Variants in HMGCS2 observed in about 807,000 individuals in gnomAD.
HMGCS2 encodes hydroxymethylglutaryl-CoA synthase, mitochondrial.
HMGCS2 carries 50 observed loss-of-function variants against 57.4 expected under a neutral mutation model. That is an observed-to-expected ratio of 0.87 (90% CI 0.69 to 1.10). The LOEUF is 1.10. Ranked by LOEUF, HMGCS2 falls within the 50% of genes least tolerant of loss-of-function variation. The pLI is 0.00. For synonymous variants in HMGCS2, 254 were observed against 245.1 expected (o/e 1.04, Z -0.34); for missense variants, 627 against 636.5 (o/e 0.99, Z 0.16).
intron 1 of HMGCS2, 61 bp from the exon 2 acceptor site, chr1:119,764,687 C>T: frequency 8.4e-7 from 1 of 1,188,634 alleles, no homozygotes; most frequent in Non-Finnish European, 1.2e-6. Context: ...CCTCAAAAGA[C>T]AGTAACATAG....
intron 9 of HMGCS2, among the ~76,000 whole-genome samples, chr1:119,749,101 G>A (rs649733): frequency 0.7 from 106,632 of 152,068 alleles, 37,603 homozygotes; most frequent in Middle Eastern, 0.82. Flanking sequence ...AGGCTAGGGC[G>A]CTGCAGAGAC....
chr1:119,753,755 C>T (rs1652742154), intron 6 of HMGCS2, among the ~76,000 whole-genome samples: 1 of 152,178 alleles, frequency 6.6e-6, no homozygotes, highest in South Asian at 2.1e-4. Flanking sequence ...GGAGATCAGA[C>T]CACTGGACTC....
intron 2 of HMGCS2, among the ~76,000 whole-genome samples, chr1:119,762,526 C>T (rs1046089639): frequency 3.9e-5 from 6 of 152,166 alleles, no homozygotes; most frequent in African/African-American, 1.2e-4. Context: ...CTCATCCCCT[C>T]CACTTTTCTC....
chr1:119,755,843 G>A (rs2101255451), intron 5 of HMGCS2, among the ~76,000 whole-genome samples: 1 of 152,250 alleles, frequency 6.6e-6, no homozygotes, highest in African/African-American at 2.4e-5. Context: ...AAATTAGAAA[G>A]AAAATCATGC....
intron 7 of HMGCS2, 97 bp downstream of exon 7, chr1:119,753,183 T>C: frequency 1.3e-6 from 1 of 769,416 alleles, no homozygotes; most frequent in African/African-American, 1.7e-5. Context: ...ATAACGTAAC[T>C]CTGTCAAGAT....
intron 5 of HMGCS2, among the ~76,000 whole-genome samples, chr1:119,756,570 C>T (rs1011209728): frequency 1.3e-5 from 2 of 152,084 alleles, no homozygotes; most frequent in African/African-American, 4.8e-5. Context: ...AAACAGGTAC[C>T]AAGAAGAAAG....
intron 9 of HMGCS2, among the ~76,000 whole-genome samples, chr1:119,749,225 G>A (rs1212124186): frequency 6.6e-6 from 1 of 152,106 alleles, no homozygotes; most frequent in Admixed American, 6.5e-5. Flanking sequence ...AAGGTCAAGA[G>A]TTCCAGCTTT....
chr1:119,759,721 ATAGACCAGCCCT>A, intron 3 of HMGCS2, 131 bp downstream of exon 3: 1 of 986,422 alleles, frequency 1.0e-6, no homozygotes. Context: ...CCTCTGCTCC[ATAGACCAGCCCT>A]TTTTAGAGGC....
chr1:119,756,616 G>C (rs1652846484), intron 5 of HMGCS2, among the ~76,000 whole-genome samples: 1 of 152,192 alleles, frequency 6.6e-6, no homozygotes, highest in Non-Finnish European at 1.5e-5. Flanking sequence ...CTGTATTGAA[G>C]ACATTTCTTT....
rs150029111 is a variant in HMGCS2 at position 119,751,068 on chromosome 1, C to G, written c.1421-160G>C. On this transcript the variant is annotated intron_variant, in intron 8 of 9. Transcript: ENST00000369406. ...TTAGTCCACCAAATAGAACACTGGA[C>G]CCACAGAACAAGAGGGGCAGCCATC... Among the ~76,000 whole-genome samples the G allele has an allele frequency of 7.4e-3, 1,128 of 152,226 alleles. 7 individuals are homozygous for G. Among genetic ancestry groups the G allele is most frequent in the Non-Finnish European group, 8.6e-3 (586 of 68,014 alleles).
chr1:119,765,715 CTT>C (rs1653203919), intron 1 of HMGCS2, among the ~76,000 whole-genome samples: 1 of 152,202 alleles, frequency 6.6e-6, no homozygotes, highest in Non-Finnish European at 1.5e-5. Flanking sequence ...ATTATACAAT[CTT>C]TACTCATTTT....
At chr1:119,755,361 C>T in intron 6 of HMGCS2, 66 bp downstream of exon 6, 1 of 1,506,346 alleles carries the variant, frequency 6.6e-7, no homozygotes, top group South Asian at 1.1e-5. Flanking sequence ...TTTGTTGACC[C>T]TGCAGCCCAC....
At chr1:119,754,975 C>T (rs1226108983) in intron 6 of HMGCS2, among the ~76,000 whole-genome samples, 2 of 152,018 alleles carry the variant, frequency 1.3e-5, no homozygotes, top group African/African-American at 4.8e-5. Flanking sequence ...TTTCTTTCAT[C>T]TTCCTTCCTT....
intron 5 of HMGCS2, 59 bp from the exon 6 acceptor site, chr1:119,755,656 G>A: frequency 1.3e-6 from 2 of 1,524,994 alleles, no homozygotes; most frequent in East Asian, 2.3e-5. Flanking sequence ...CAGGGAGCAA[G>A]GGGGAAAAGT....
At chr1:119,757,776 C>T (rs1031572162) in intron 4 of HMGCS2, among the ~76,000 whole-genome samples, 2 of 152,172 alleles carry the variant, frequency 1.3e-5, no homozygotes, top group Non-Finnish European at 2.9e-5. Flanking sequence ...TTTGAAAAGG[C>T]TGGCTTTGGA....
intron 8 of HMGCS2, 43 bp from the exon 9 acceptor site, chr1:119,750,951 T>TGAG (rs1159778101): frequency 8.2e-7 from 1 of 1,215,126 alleles, no homozygotes; most frequent in Admixed American, 1.7e-5. Context: ...AAGAGTTATA[T>TGAG]GAGTTTTTGG....
At position 119,759,208 on chromosome 1, in the gene HMGCS2, C is replaced by A. The variant is rs1047602183; in HGVS notation, c.760G>T (p.Asp254Tyr). ...PNLASEYPIV[D>Y]GKLSIQCYLR... ...TAGCACTGGATGGAAAGCTTCCCATCCACTATTGGGTACTCCGAGGCCAAA... is the reference window on the plus strand; with the variant it reads ...TAGCACTGGATGGAAAGCTTCCCATACACTATTGGGTACTCCGAGGCCAAA... The change falls in exon 4 of 10, where the codon GAT becomes TAT. Residue 254 changes from aspartate (D) to tyrosine (Y), a missense_variant. Transcript: ENST00000369406. 3 of 1,614,028 alleles carry A rather than the reference C, an allele frequency of 1.9e-6. No individual in the cohort carries two copies. The highest frequency in any genetic ancestry group is 1.7e-5 in the Admixed American group (1 of 60,008).
chr1:119,750,421 G>A (rs1275939315), intron 9 of HMGCS2, among the ~76,000 whole-genome samples: 1 of 152,164 alleles, frequency 6.6e-6, no homozygotes, highest in Non-Finnish European at 1.5e-5. Flanking sequence ...AGCAGATCAG[G>A]TAAACAAATC....
intron 5 of HMGCS2, among the ~76,000 whole-genome samples, chr1:119,756,627 G>A (rs1170976552): frequency 2.6e-5 from 4 of 152,182 alleles, no homozygotes; most frequent in Non-Finnish European, 5.9e-5. Flanking sequence ...ACATTTCTTT[G>A]TAAATATTAG....
Sources: gnomAD v4.1 joint callset for allele counts (sites outside exome capture counted in the v4.1 genomes callset) on GRCh38, gnomAD v4.1.1 for gene constraint, MANE v1.5 for transcripts, NCBI Gene and HGNC (gene_info 2026-07-23, HGNC 2026-07-21) for gene names.